The following ZNF445 variants were observed in gnomAD, a reference collection of about 807,000 sequenced individuals.
ZNF445 encodes zinc finger protein 445.
Under a neutral mutation model 93.9 loss-of-function variants are expected in ZNF445, and 19 were observed. That is an observed-to-expected ratio of 0.20 (90% CI 0.14 to 0.30). The LOEUF (loss-of-function observed/expected upper bound fraction) is 0.30. Ranked by LOEUF, ZNF445 falls within the 10% of genes least tolerant of loss-of-function variation. ZNF445 has a pLI of 1.00. For synonymous variants in ZNF445, 449 were observed against 446.3 expected, an observed-to-expected ratio of 1.01 and a Z score of -0.08; for missense variants, 1,058 against 1,259.4, an observed-to-expected ratio of 0.84 and a Z score of 2.42.
At chr3:44,473,491 A>ACAC (rs768926978) in intron 1 of ZNF445, among the ~76,000 whole-genome samples, 3 of 89,900 alleles carry the variant, frequency 3.3e-5, no homozygotes, top group Non-Finnish European at 5.1e-5. Context: ...ACACACACAC[A>ACAC]AAAAATGCTT....
At position 44,448,284 on chromosome 3, in the gene ZNF445, C is replaced by T. The variant is rs758892823; in HGVS notation, c.1387G>A (p.Gly463Arg). The T allele has an allele frequency of 6.2e-7, 1 of 1,614,162 alleles. No individual in the cohort carries two copies. Among genetic ancestry groups the T allele is most frequent in the Middle Eastern group, 1.6e-4 (1 of 6,062 alleles). ...TGAGAGCTAAGGCTGAAGTCTTTTC[C>T]ACACACGTCCTTTTTGTTCCCTTTC... Reference protein sequence around the residue: ...GLKGNKKDVCGKDFSLSSHHQ... With the variant: ...GLKGNKKDVCRKDFSLSSHHQ... The change falls in exon 8 of 8, where the codon GGA becomes AGA. Residue 463 changes from glycine (G) to arginine (R), a missense_variant. Gly to Arg is a moderately radical substitution (Grantham distance 125). Transcript: ENST00000396077.
chr3:44,453,281 CTA>C (rs968446948), intron 3 of ZNF445, among the ~76,000 whole-genome samples: 2 of 151,246 alleles, frequency 1.3e-5, no homozygotes, highest in African/African-American at 4.9e-5. Flanking sequence ...AAGTGTATGT[CTA>C]TATATGTTTT....
At chr3:44,469,730 C>T (rs1326546601) in intron 1 of ZNF445, among the ~76,000 whole-genome samples, 1 of 152,140 alleles carries the variant, frequency 6.6e-6, no homozygotes, top group East Asian at 2.0e-4. Flanking sequence ...GATCGTGCCA[C>T]TGCACTCCAG....
chr3:44,456,945 T>C (rs1698035539), intron 2 of ZNF445, among the ~76,000 whole-genome samples: 1 of 152,102 alleles, frequency 6.6e-6, no homozygotes, highest in African/African-American at 2.4e-5. Flanking sequence ...CTGGCCAACA[T>C]GGCAAAACTC....
rs139684648 is a variant in ZNF445 at position 44,473,281 on chromosome 3, C to A, written c.-269+4310G>T. Among the ~76,000 whole-genome samples the A allele has an allele frequency of 5.8e-3, 887 of 152,010 alleles. 9 individuals carry two copies. Among genetic ancestry groups the A allele is most frequent in the African/African-American group, 0.021 (851 of 41,402 alleles). On this transcript the variant is annotated intron_variant, in intron 1 of 7. Coordinates refer to ENST00000396077, the MANE Select transcript of ZNF445 (RefSeq NM_181489.6). ...ACCAGCCTGACCAACATGGAGAAAC[C>A]CCGTCTCTACTAAAAATACAAAAAT...
In ZNF445 at chr3:44,448,177, G is replaced by C. The variant is rs764217924; in HGVS notation, c.1494C>G (p.Ser498=). 8 of 1,613,988 alleles carry C rather than the reference G, an allele frequency of 5.0e-6. No homozygotes were observed. The East Asian group carries it at 1.1e-4, about 22-fold the overall frequency. ...GAAGTCTCTGATGATACGCAAGATG[G>C]GAGCTATGACTGAAAGTCCTTCCAC... The part of the protein sequence containing the change: ...SDCGRTFSHS[S]HLAYHQRLHT... Residue 498 remains serine (S), a synonymous_variant, in exon 8 of 8, where the codon TCC becomes TCG. Coordinates refer to ENST00000396077, the MANE Select transcript of ZNF445 (RefSeq NM_181489.6).
At position 44,431,980 on chromosome 3, in the gene ZNF445, A is replaced by C. The variant is rs955518637; in HGVS notation, c.*14595T>G. 1 of 152,030 alleles carries C rather than the reference A, an allele frequency of 6.6e-6. No individual in the cohort carries two copies. Among genetic ancestry groups the C allele is most frequent in the Non-Finnish European group, 1.5e-5 (1 of 68,010 alleles). 9.4% of individuals were successfully genotyped at this position (152,030 alleles called of 1,614,324 possible). ...CTGGGCACCATTTCAGCTCACAGCA[A>C]CCTCTGCCTCCTGTGTTCAAGCTAT... On this transcript the variant is annotated 3_prime_UTR_variant, in exon 8 of 8. Transcript: ENST00000396077.
In ZNF445 at chr3:44,446,436, A is replaced by T. The variant is rs146453952; in HGVS notation, c.*139T>A. 5.4e-3 allele frequency: 7,224 copies of T among 1,335,966 alleles called. 30 individuals are homozygous for T. The highest frequency in any genetic ancestry group is 6.6e-3 in the Non-Finnish European group (6,459 of 982,918). 82.8% of individuals were successfully genotyped at this position (1,335,966 alleles called of 1,614,324 possible). Reference sequence around the variant, plus strand: ...AGGCTGGGGACTCCCCGAGCTTTCAAATCCTTGGGATTCTGTCACTAGCTT... The same window carrying T: ...AGGCTGGGGACTCCCCGAGCTTTCATATCCTTGGGATTCTGTCACTAGCTT... On this transcript the variant is annotated 3_prime_UTR_variant, in exon 8 of 8. Transcript: ENST00000396077. This position sits in a 1 kb window ranked among gnomAD's most constrained non-coding sequence, Gnocchi z 4.2.
intron 1 of ZNF445, among the ~76,000 whole-genome samples, chr3:44,477,226 T>C (rs944797444): frequency 1.3e-5 from 2 of 152,348 alleles, no homozygotes; most frequent in African/African-American, 4.8e-5. Context: ...CACAGATATT[T>C]TAAATGTCAG....
intron 1 of ZNF445, among the ~76,000 whole-genome samples, chr3:44,461,961 C>CA (rs1422831625): frequency 6.6e-6 from 1 of 151,620 alleles, no homozygotes; most frequent in Non-Finnish European, 1.5e-5. Context: ...GGTATACCGG[C>CA]AAAAAGGGGT....
intron 3 of ZNF445, among the ~76,000 whole-genome samples, chr3:44,452,186 A>C (rs1697966768): frequency 6.6e-6 from 1 of 152,172 alleles, no homozygotes; most frequent in Non-Finnish European, 1.5e-5. Context: ...TGAGTACAGG[A>C]AACTACAATT....
chr3:44,465,393 AG>A (rs1161110008), intron 1 of ZNF445, among the ~76,000 whole-genome samples: 3 of 152,210 alleles, frequency 2.0e-5, no homozygotes, highest in Non-Finnish European at 4.4e-5. Flanking sequence ...GGTGTAAACA[AG>A]TTGGCTAAGA....
chr3:44,450,520 C>T lies in ZNF445; in HGVS notation c.747G>A (p.Gly249=), dbSNP rs1191988815. ...VEVTFSQDEW[G]WLDSAQRNLY... ...GGTTCCTCTGAGCAGAGTCCAGCCACCCCCACTCGTCCTGGGAGAAGGTCA... is the reference window on the plus strand; with the variant it reads ...GGTTCCTCTGAGCAGAGTCCAGCCATCCCCACTCGTCCTGGGAGAAGGTCA... Residue 249 remains glycine (G), a synonymous_variant, in exon 6 of 8, where the codon GGG becomes GGA. Transcript: ENST00000396077. 4 of 1,614,052 alleles carry T rather than the reference C, an allele frequency of 2.5e-6. No homozygotes were observed. Among genetic ancestry groups the T allele is most frequent in the African/African-American group, 1.3e-5 (1 of 74,916 alleles).
rs1697661791 is a variant in ZNF445, at chr3:44,435,610, A to G, written c.*10965T>C. The G allele has an allele frequency of 6.6e-6, 1 of 152,188 alleles. No homozygotes were observed. Among genetic ancestry groups the G allele is most frequent in the Non-Finnish European group, 1.5e-5 (1 of 68,030 alleles). 9.4% of individuals were successfully genotyped at this position (152,188 alleles called of 1,614,324 possible). ...AGGAATGTGGTATTAGTTTGCTTTA[A>G]TATTTTTGTGAATGAGGCAGCTCTA... On this transcript the variant is annotated 3_prime_UTR_variant, in exon 8 of 8. Coordinates refer to ENST00000396077, the MANE Select transcript of ZNF445 (RefSeq NM_181489.6).
chr3:44,453,957 T>C (rs528879202), intron 3 of ZNF445, among the ~76,000 whole-genome samples: 107 of 152,188 alleles, frequency 7.0e-4, no homozygotes, highest in African/African-American at 2.5e-3. Context: ...GCTCTGCCCC[T>C]CAGCACTCAT....
Position 44,446,307 on chromosome 3 carries a change from G to A in ZNF445, c.*268C>T. 1 of 464,268 alleles carries A rather than the reference G, an allele frequency of 2.2e-6. No individual in the cohort carries two copies. The highest frequency in any genetic ancestry group is 3.9e-6 in the Non-Finnish European group (1 of 259,666). 28.8% of individuals were successfully genotyped at this position (464,268 alleles called of 1,614,324 possible). ...GTTGTGGAAGGAGACCTGAATAGGG[G>A]AGCCGCAGGCTATGGTGCAGAGGCC... On this transcript the variant is annotated 3_prime_UTR_variant, in exon 8 of 8. Coordinates refer to ENST00000396077, the MANE Select transcript of ZNF445 (RefSeq NM_181489.6). The surrounding 1 kb of genome is among the most constrained non-coding windows in gnomAD (Gnocchi z 4.2).
chr3:44,444,284 T>A lies in ZNF445; in HGVS notation c.*2291A>T, dbSNP rs932718339. On this transcript the variant is annotated 3_prime_UTR_variant, in exon 8 of 8. Transcript: ENST00000396077. ...TCCATGGTTACAACACCAACTGACA[T>A]GGAAGCTGCACCTCTGAGAGGGCCC... is the stretch of plus-strand genomic sequence containing the variant. 6.6e-6 allele frequency: 1 copy of A among 152,196 alleles called. No homozygotes were observed. The highest frequency in any genetic ancestry group is 1.5e-5 in the Non-Finnish European group (1 of 68,054). 9.4% of individuals were successfully genotyped at this position (152,196 alleles called of 1,614,324 possible).
In ZNF445 at chr3:44,446,329, G is replaced by A. The variant is rs763456055; in HGVS notation, c.*246C>T. 1.9e-6 allele frequency: 1 copy of A among 530,770 alleles called. No individual in the cohort carries two copies. Among genetic ancestry groups the A allele is most frequent in the Non-Finnish European group, 3.3e-6 (1 of 300,448 alleles). The allele number at this position is 530,770 out of a possible 1,614,324, so 32.9% of individuals were successfully genotyped here. On this transcript the variant is annotated 3_prime_UTR_variant, in exon 8 of 8. Transcript: ENST00000396077. The surrounding 1 kb of genome is among the most constrained non-coding windows in gnomAD (Gnocchi z 4.2). Reference sequence around the variant, plus strand: ...GGGGAGCCGCAGGCTATGGTGCAGAGGCCACTCCTAGGGGCCGGAGTCTCC... The same window carrying A: ...GGGGAGCCGCAGGCTATGGTGCAGAAGCCACTCCTAGGGGCCGGAGTCTCC...
intron 3 of ZNF445, among the ~76,000 whole-genome samples, chr3:44,453,923 G>T (rs1056387467): frequency 6.6e-6 from 1 of 152,126 alleles, no homozygotes; most frequent in African/African-American, 2.4e-5. Flanking sequence ...GTCTAAAATC[G>T]AGGTCTTCCT....
Sources: gnomAD v4.1 joint callset for allele counts (sites outside exome capture counted in the v4.1 genomes callset) on GRCh38, gnomAD v4.1.1 for gene constraint, Gnocchi (gnomAD v3.1) non-coding constraint, MANE v1.5 for transcripts, NCBI Gene and HGNC (gene_info 2026-07-23, HGNC 2026-07-21) for gene names.